Variants in PRPF40B observed in about 807,000 individuals in gnomAD.
PRPF40B encodes the protein pre-mRNA-processing factor 40 homolog B.
Under a neutral mutation model 124.5 loss-of-function variants are expected in PRPF40B, and 56 were observed. The observed-to-expected ratio is 0.45, with a 90% CI of 0.36 to 0.56. The LOEUF is 0.56. PRPF40B is among the 20% of genes least tolerant of loss of function. PRPF40B has a pLI of 0.00. For missense variants in PRPF40B, 1,053 were observed against 1,169.5 expected, an observed-to-expected ratio of 0.90 and a Z score of 1.45; for synonymous variants, 443 against 426.4, an observed-to-expected ratio of 1.04 and a Z score of -0.48.
At chr12:49,625,532 T>TG (rs1940626730) in intron 1 of PRPF40B, among the ~76,000 whole-genome samples, 1 of 152,222 alleles carries the variant, frequency 6.6e-6, no homozygotes, top group African/African-American at 2.4e-5. Flanking sequence ...TCTCCATTCT[T>TG]GTCCTTTTCT....
At chr12:49,639,171 T>C (rs997213396) in intron 18 of PRPF40B, 4 of 152,180 alleles carry the variant, frequency 2.6e-5, no homozygotes, top group Non-Finnish European at 5.9e-5. Context: ...TCAGATTAGA[T>C]GGTGTATAGT....
At chr12:49,633,601 C>G (rs1347431412) in intron 8 of PRPF40B, 36 bp from the exon 9 acceptor site, 1 of 1,614,112 alleles carries the variant, frequency 6.2e-7, no homozygotes, top group South Asian at 1.1e-5. Context: ...TCCCTATTGC[C>G]CCTGTGACTG....
At position 49,644,524 on chromosome 12, in the gene PRPF40B, G is replaced by A; in HGVS notation, c.*332G>A. 2.8e-6 allele frequency: 1 copy of A among 352,276 alleles called. No homozygotes were observed. Among genetic ancestry groups the A allele is most frequent in the Non-Finnish European group, 5.5e-6 (1 of 182,588 alleles). 21.8% of individuals were successfully genotyped at this position (352,276 alleles called of 1,614,324 possible). A position where few individuals can be genotyped will look rare whatever the true frequency, so the allele number is the denominator to read the frequency against. On this transcript the variant is annotated 3_prime_UTR_variant, in exon 26 of 26. Transcript: ENST00000548825. ...GCTGTTGGACGCAGCCTGGGTGGCA[G>A]AGGGCAGGGTCATCACCCTCTAGCA...
chr12:49,636,333 C>T (rs190377767), intron 15 of PRPF40B, among the ~76,000 whole-genome samples: 27 of 152,272 alleles, frequency 1.8e-4, no homozygotes, highest in African/African-American at 5.1e-4. Flanking sequence ...TAATTGGTCA[C>T]GTTACAATAG....
intron 1 of PRPF40B, among the ~76,000 whole-genome samples, chr12:49,628,671 A>G (rs1464220678): frequency 6.7e-6 from 1 of 148,496 alleles, no homozygotes; most frequent in Non-Finnish European, 1.5e-5. Context: ...GGTTCACCTC[A>G]TTCTCCCACC....
At chr12:49,634,151 AC>A in intron 10 of PRPF40B, 59 bp downstream of exon 10, 3 of 1,587,802 alleles carry the variant, frequency 1.9e-6, no homozygotes, top group Non-Finnish European at 2.6e-6. Context: ...GCCTGGTTCA[AC>A]CCTTGTCCTC....
chr12:49,636,780 G>A lies in PRPF40B; in HGVS notation c.1491G>A (p.Glu497=), dbSNP rs773573283. Residue 497 remains glutamate (E), a synonymous_variant, in exon 16 of 26, where the codon GAG becomes GAA. Transcript: ENST00000548825. ...ACATCCGAGCTTTGGAGAGGGAAGA[G>A]GAGGAGGAACGGGAGCGGGCCCGGC... ...EEHIRALERE[E]EEERERARLR... The A allele has an allele frequency of 6.2e-7, 1 of 1,614,246 alleles. No homozygotes were observed. The highest frequency in any genetic ancestry group is 8.5e-7 in the Non-Finnish European group (1 of 1,180,034).
intron 1 of PRPF40B, among the ~76,000 whole-genome samples, chr12:49,629,895 G>A: frequency 6.6e-6 from 1 of 152,186 alleles, no homozygotes; most frequent in Non-Finnish European, 1.5e-5. Flanking sequence ...TAGAGGAGGG[G>A]ATGGACACCA....
At position 49,635,703 on chromosome 12, in the gene PRPF40B, C is replaced by G; in HGVS notation, c.1276-140C>G. The G allele has an allele frequency of 2.9e-6, 3 of 1,051,022 alleles. No homozygotes were observed. The highest frequency in any genetic ancestry group is 2.7e-6 in the Non-Finnish European group (2 of 727,826). The allele number at this position is 1,051,022 out of a possible 1,614,324, so 65.1% of individuals were successfully genotyped here. A position where few individuals can be genotyped will look rare whatever the true frequency, so the allele number is the denominator to read the frequency against. On this transcript the variant is annotated intron_variant, in intron 14 of 25. Transcript: ENST00000548825. The surrounding 1 kb of genome is among the most constrained non-coding windows in gnomAD (Gnocchi z 4.1). ...TGGGTCTGTAACCTGTACTCCCTCCCCTTCCCTGAGACATGAAAGTCTTGA... is the reference window on the plus strand; with the variant it reads ...TGGGTCTGTAACCTGTACTCCCTCCGCTTCCCTGAGACATGAAAGTCTTGA...
In PRPF40B at chr12:49,642,632, C is replaced by G; in HGVS notation, c.2075C>G (p.Ser692Trp). ...GCCTTTGAGCAGATCACCCTGGAGTCGGAGCGGATCCGGCTCTTCCGGGAG... is the reference window on the plus strand; with the variant it reads ...GCCTTTGAGCAGATCACCCTGGAGTGGGAGCGGATCCGGCTCTTCCGGGAG... Reference protein sequence around the residue: ...DSAFEQITLESERIRLFREFL... With the variant: ...DSAFEQITLEWERIRLFREFL... Residue 692 changes from serine to tryptophan, a missense_variant, in exon 21 of 26, where the codon TCG becomes TGG. Ser to Trp is a radical substitution (Grantham distance 177). Transcript: ENST00000548825. This position sits in a 1 kb window ranked among gnomAD's most constrained non-coding sequence, Gnocchi z 5.8. The G allele has an allele frequency of 6.2e-7, 1 of 1,614,162 alleles. No homozygotes were observed. The highest frequency in any genetic ancestry group is 1.7e-5 in the Admixed American group (1 of 60,032).
rs752596396 is a variant in PRPF40B, at chr12:49,631,506, A to G, written c.190A>G (p.Met64Val). Reference protein sequence around the residue: ...PPMPPGILPPMLPPMGAPPPL... With the variant: ...PPMPPGILPPVLPPMGAPPPL... ...CATGCCACCTGGCATCCTGCCCCCA[A>G]TGCTTCCACCAATGGGGGCGCCACC... Residue 64 changes from methionine to valine, a missense_variant, in exon 3 of 26, where the codon ATG becomes GTG. Around this residue, in one of 2 missense-constraint regions of PRPF40B, gnomAD observed 158 missense variants for 117.3 expected, o/e 1.35. Transcript: ENST00000548825. The surrounding 1 kb of genome is among the most constrained non-coding windows in gnomAD (Gnocchi z 4.3). 35 of 1,540,748 alleles carry G rather than the reference A, an allele frequency of 2.3e-5. No homozygotes were observed. The highest frequency in any genetic ancestry group is 3.0e-5 in the Non-Finnish European group (34 of 1,150,082).
intron 16 of PRPF40B, 113 bp downstream of exon 16, chr12:49,636,962 C>A: frequency 6.7e-7 from 1 of 1,491,306 alleles, no homozygotes. Flanking sequence ...GTGCCTAGCC[C>A]TGTCCAAGCT....
rs181068445 is a variant in PRPF40B at position 49,644,254 on chromosome 12, C to T, written c.*62C>T. The T allele has an allele frequency of 1.6e-5, 25 of 1,569,446 alleles. No individual in the cohort carries two copies. Among genetic ancestry groups the T allele is most frequent in the East Asian group, 1.4e-4 (6 of 44,420 alleles). On this transcript the variant is annotated 3_prime_UTR_variant, in exon 26 of 26. Coordinates refer to ENST00000548825, the MANE Select transcript of PRPF40B (RefSeq NM_001031698.3). ...GCCATGGCTCCTGGGCCACCCTCAC[C>T]GTCTGCCTCAGACTTCTTCCTTAGT...
At chr12:49,623,644 C>G (rs1397252573) in intron 1 of PRPF40B, 51 bp downstream of exon 1, 1 of 1,229,802 alleles carries the variant, frequency 8.1e-7, no homozygotes, top group Admixed American at 4.2e-5. Flanking sequence ...CCACAGCGCC[C>G]CCTGCGGCCC....
At chr12:49,637,959 G>A in intron 18 of PRPF40B, 135 bp downstream of exon 18, 2 of 673,668 alleles carry the variant, frequency 3.0e-6, no homozygotes, top group Non-Finnish European at 2.6e-6. Flanking sequence ...ATCCTTTACT[G>A]CACACTAGGG....
chr12:49,642,770 G>C lies in PRPF40B; in HGVS notation c.2118+95G>C. 2.1e-6 allele frequency: 3 copies of C among 1,448,114 alleles called. No individual in the cohort carries two copies. Among genetic ancestry groups the C allele is most frequent in the Non-Finnish European group, 2.8e-6 (3 of 1,052,990 alleles). The allele number at this position is 1,448,114 out of a possible 1,614,324, so 89.7% of individuals were successfully genotyped here. A position where few individuals can be genotyped will look rare whatever the true frequency, so the allele number is the denominator to read the frequency against. ...CAGTGGCCTCCCTCTTACCCTTAGG[G>C]CACTCCTGGCCAGCTAAGGAAGGGG... is the stretch of plus-strand genomic sequence containing the variant. On this transcript the variant is annotated intron_variant, in intron 21 of 25. Transcript: ENST00000548825. The surrounding 1 kb of genome is among the most constrained non-coding windows in gnomAD (Gnocchi z 5.8).
intron 1 of PRPF40B, among the ~76,000 whole-genome samples, chr12:49,626,898 T>C (rs1202824813): frequency 6.6e-6 from 1 of 152,154 alleles, no homozygotes; most frequent in Non-Finnish European, 1.5e-5. Context: ...CTTGGACAGA[T>C]TATTCCCTGA....
At position 49,623,595 on chromosome 12, in the gene PRPF40B, T is replaced by G; in HGVS notation, c.3+2T>G. On this transcript the variant is annotated splice_donor_variant, in intron 1 of 25. Coordinates refer to ENST00000548825, the MANE Select transcript of PRPF40B (RefSeq NM_001031698.3). LOFTEE classifies it high-confidence loss of function. ...CAGCTGCTCGGAGGCTCTGGCATGG[T>G]AACATCCCCGCGCGGGGGTGGAGGG... The G allele has an allele frequency of 8.1e-7, 1 of 1,231,992 alleles. No individual in the cohort carries two copies. The highest frequency in any genetic ancestry group is 1.0e-6 in the Non-Finnish European group (1 of 988,112). 76.3% of individuals were successfully genotyped at this position (1,231,992 alleles called of 1,614,324 possible). A position where few individuals can be genotyped will look rare whatever the true frequency, so the allele number is the denominator to read the frequency against.
At chr12:49,632,015 C>T in intron 4 of PRPF40B, 90 bp downstream of exon 4, 1 of 1,313,738 alleles carries the variant, frequency 7.6e-7, no homozygotes, top group Non-Finnish European at 1.1e-6. Flanking sequence ...CCATTCTTTC[C>T]CTCTTCTCAT....
Sources: allele counts gnomAD v4.1 joint callset (sites outside exome capture counted in the v4.1 genomes callset), GRCh38; gene constraint gnomAD v4.1.1; regional missense constraint gnomAD v4.1.1; non-coding constraint Gnocchi (gnomAD v3.1); transcripts MANE v1.5; gene names NCBI Gene and HGNC (gene_info 2026-07-23, HGNC 2026-07-21).